The following DAB1 variants were observed in gnomAD, a reference collection of about 807,000 sequenced individuals.
The protein encoded by DAB1 is disabled homolog 1.
A neutral mutation model predicts 64.6 loss-of-function variants in DAB1; 15 were observed. That is an observed-to-expected ratio of 0.23 (90% CI 0.16 to 0.36). The LOEUF is 0.36. Ranked by LOEUF, DAB1 falls within the 10% of genes least tolerant of loss-of-function variation. DAB1 has a pLI of 1.00. For synonymous variants in DAB1, 235 were observed against 251.9 expected (o/e 0.93, Z 0.64); for missense variants, 596 against 706.7 (o/e 0.84, Z 1.78).
chr1:58,515,134 A>C (rs17117628), intron 2 of DAB1, among the ~76,000 whole-genome samples: 4,180 of 152,250 alleles, frequency 0.027, 93 homozygotes, highest in Non-Finnish European at 0.041. Context: ...TCACTTCTTA[A>C]AGCTCATTTT....
intron 2 of DAB1, among the ~76,000 whole-genome samples, chr1:57,153,922 A>C (rs2100855377): frequency 6.6e-6 from 1 of 152,234 alleles, no homozygotes; most frequent in South Asian, 2.1e-4. Flanking sequence ...TACAGGCATG[A>C]GCCACCACCC....
intron 6 of DAB1, among the ~76,000 whole-genome samples, chr1:57,729,975 T>A (rs914302167): frequency 6.6e-6 from 1 of 152,236 alleles, no homozygotes; most frequent in African/African-American, 2.4e-5. Flanking sequence ...CACAGCACAG[T>A]TAAGCTGAAT....
chr1:57,462,941 T>C (rs1686834197), intron 7 of DAB1, among the ~76,000 whole-genome samples: 2 of 152,110 alleles, frequency 1.3e-5, no homozygotes, highest in East Asian at 1.9e-4. Context: ...GAGGTAAAAC[T>C]TAAGAAGAAC....
chr1:58,175,439 A>C (rs1222884400), intron 4 of DAB1, among the ~76,000 whole-genome samples: 1 of 152,220 alleles, frequency 6.6e-6, no homozygotes, highest in Non-Finnish European at 1.5e-5. Context: ...TGAAGTCGGC[A>C]AGACCAAGAA....
intron 6 of DAB1, among the ~76,000 whole-genome samples, chr1:57,811,821 C>T (rs1053037294): frequency 6.6e-6 from 1 of 152,140 alleles, no homozygotes; most frequent in African/African-American, 2.4e-5. Flanking sequence ...AAAATTGATG[C>T]TCTAGGTAAC....
At chr1:57,512,750 G>T (rs1019039625) in intron 7 of DAB1, among the ~76,000 whole-genome samples, 4 of 152,182 alleles carry the variant, frequency 2.6e-5, no homozygotes, top group African/African-American at 9.7e-5. Context: ...GCATTGCCTG[G>T]ACCCCAGCTT....
intron 5 of DAB1, among the ~76,000 whole-genome samples, chr1:57,930,615 T>A (rs1440016360): frequency 6.6e-6 from 1 of 152,194 alleles, no homozygotes; most frequent in African/African-American, 2.4e-5. Context: ...TACAACTAAG[T>A]ATTTTTTAGG....
intron 5 of DAB1, among the ~76,000 whole-genome samples, chr1:58,039,183 C>T (rs1344497302): frequency 6.6e-6 from 1 of 152,184 alleles, no homozygotes; most frequent in Non-Finnish European, 1.5e-5. Context: ...GCTCACCTTT[C>T]AAATGTTAAC....
At chr1:57,010,466 G>A (rs576680134) in intron 14 of DAB1, among the ~76,000 whole-genome samples, 28 of 152,288 alleles carry the variant, frequency 1.8e-4, no homozygotes, top group African/African-American at 5.8e-4. Flanking sequence ...AAGGGACATG[G>A]TGCAGACACT....
Position 58,300,681 on chromosome 1 carries a change from G to A in DAB1, n.309+42671C>T, listed in dbSNP as rs200640530. Among the ~76,000 whole-genome samples, 276 of 139,684 alleles carry A rather than the reference G, an allele frequency of 2.0e-3. 2 individuals are homozygous for A. Among genetic ancestry groups the A allele is most frequent in the African/African-American group, 7.5e-3 (267 of 35,378 alleles). The allele number at this position is 139,684 out of a possible 152,430, so 91.6% of individuals were successfully genotyped here. A position where few individuals can be genotyped will look rare whatever the true frequency, so the allele number is the denominator to read the frequency against. ...GGAAGGAAGGAAGGAAGGAAGGAAGGAAGGAAGGAAGGAAGGAAGGAAGGA... is the reference window on the plus strand; with the variant it reads ...GGAAGGAAGGAAGGAAGGAAGGAAGAAAGGAAGGAAGGAAGGAAGGAAGGA... On this transcript the variant is annotated intron_variant and non_coding_transcript_variant, in intron 4 of 20. Transcript: ENST00000485760.
intron 6 of DAB1, among the ~76,000 whole-genome samples, chr1:57,694,708 G>T (rs1196602838): frequency 1.3e-5 from 2 of 151,686 alleles, no homozygotes; most frequent in Non-Finnish European, 1.5e-5. Flanking sequence ...TTTTTATTTT[G>T]GGACATTCCA....
chr1:58,348,411 T>C (rs1356827661), intron 3 of DAB1, among the ~76,000 whole-genome samples: 1 of 152,152 alleles, frequency 6.6e-6, no homozygotes, highest in East Asian at 1.9e-4. Flanking sequence ...GCTGGAGAAA[T>C]TCATGGCTGT....
chr1:57,403,512 C>G (rs956549489), intron 1 of DAB1, among the ~76,000 whole-genome samples: 1 of 152,152 alleles, frequency 6.6e-6, no homozygotes, highest in Admixed American at 6.5e-5. Flanking sequence ...TTGTCATTAA[C>G]AACCTAAAGA....
intron 4 of DAB1, among the ~76,000 whole-genome samples, chr1:57,102,892 G>A (rs1022602755): frequency 1.3e-5 from 2 of 152,076 alleles, no homozygotes; most frequent in South Asian, 4.1e-4. Flanking sequence ...TTTCTGCATC[G>A]TGCCAGGCCC....
chr1:58,340,137 G>T (rs1663216211), intron 4 of DAB1, among the ~76,000 whole-genome samples: 1 of 152,174 alleles, frequency 6.6e-6, no homozygotes, highest in African/African-American at 2.4e-5. Context: ...ACATTCTGGT[G>T]CTTTTCTATA....
In DAB1 at chr1:57,567,274, T is replaced by C. The variant is rs189500578; in HGVS notation, n.625+82318A>G. On this transcript the variant is annotated intron_variant and non_coding_transcript_variant, in intron 7 of 20. Transcript: ENST00000485760. The stretch of plus-strand genomic sequence containing the variant: ...ATAAATTAGGTATTGATGGGATGTA[T>C]CTCAAAATAATAACAGCTATCTATG... Among the ~76,000 whole-genome samples, 188 of 152,270 alleles carry C rather than the reference T, an allele frequency of 1.2e-3. 4 individuals carry two copies. In the South Asian group the frequency reaches 0.018, roughly 15 times the overall value.
chr1:57,383,370 TTGTAG>T (rs1681539624), intron 1 of DAB1, among the ~76,000 whole-genome samples: 1 of 152,182 alleles, frequency 6.6e-6, no homozygotes, highest in African/African-American at 2.4e-5. Context: ...GAATCAGACT[TTGTAG>T]CATAATGAAG....
At chr1:57,395,621 C>G (rs1376708989) in intron 1 of DAB1, among the ~76,000 whole-genome samples, 1 of 152,180 alleles carries the variant, frequency 6.6e-6, no homozygotes, top group Non-Finnish European at 1.5e-5. Context: ...ACTACCTATA[C>G]CACAGTAGCT....
chr1:58,236,555 A>G (rs187148932), intron 4 of DAB1, among the ~76,000 whole-genome samples: 248 of 152,358 alleles, frequency 1.6e-3, no homozygotes, highest in Non-Finnish European at 1.8e-3. Context: ...TTGGAATAAC[A>G]TAGTGAAATC....
Sources: gnomAD v4.1 joint callset for allele counts (sites outside exome capture counted in the v4.1 genomes callset) on GRCh38, gnomAD v4.1.1 for gene constraint, MANE v1.5 for transcripts, NCBI Gene and HGNC (gene_info 2026-07-23, HGNC 2026-07-21) for gene names.